The following MRM3 variants were observed in gnomAD, a reference collection of about 807,000 sequenced individuals.
The protein encoded by MRM3 is mitochondrial rRNA methyltransferase 3, also known as rRNA methyltransferase 3, mitochondrial.
In MRM3, 26 loss-of-function variants were observed where a neutral mutation model predicts 29.4. The ratio of observed to expected loss-of-function variants is 0.89; its 90% CI spans 0.65 to 1.23. MRM3 has a LOEUF of 1.23. MRM3 is among the 50% of genes most tolerant of loss of function. The pLI, the probability that MRM3 is intolerant of heterozygous loss-of-function variation, is 0.00. For synonymous variants in MRM3, 225 were observed against 219.0 expected (o/e 1.03, Z -0.24); for missense variants, 578 against 540.2 (o/e 1.07, Z -0.69).
chr17:790,998 C>T (rs1910792266), intron 3 of MRM3, among the ~76,000 whole-genome samples: 1 of 151,460 alleles, frequency 6.6e-6, no homozygotes, highest in Non-Finnish European at 1.5e-5. Context: ...CCTCCTGTGC[C>T]GCCACAGCGC....
At chr17:790,956 A>G (rs1349669660) in intron 3 of MRM3, among the ~76,000 whole-genome samples, 7 of 90,544 alleles carry the variant, frequency 7.7e-5, no homozygotes, top group African/African-American at 3.0e-4. Flanking sequence ...CAACTGTGCC[A>G]CCACACCCCC....
Position 791,984 on chromosome 17 carries a change from T to C in MRM3, c.1178T>C (p.Met393Thr), listed in dbSNP as rs1317481228. 1.4e-5 allele frequency: 22 copies of C among 1,613,804 alleles called. No homozygotes were observed. The highest frequency in any genetic ancestry group is 1.5e-5 in the Non-Finnish European group (18 of 1,180,028). Residue 393 changes from methionine to threonine, a missense_variant, in exon 4 of 4, where the codon ATG becomes ACG. Transcript: ENST00000304478. Reference sequence around the variant, plus strand: ...GGTGTGGACAGCCTCAACTCGGCCATGGCGGCAAGCATCCTGCTTTTCGAA... The same window carrying C: ...GGTGTGGACAGCCTCAACTCGGCCACGGCGGCAAGCATCCTGCTTTTCGAA... ...VPGVDSLNSA[M>T]AASILLFEGK...
Position 788,089 on chromosome 17 carries a change from A to G in MRM3, c.684A>G (p.Arg228=). 1 of 1,614,218 alleles carries G rather than the reference A, an allele frequency of 6.2e-7. No individual in the cohort carries two copies. ...CTGGGAACCTGGGGACAATTCTGAG[A>G]TCTGCAGCTGGGGCAGGCTGCAGCA... The part of the protein sequence containing the change: ...RDPGNLGTIL[R]SAAGAGCSKV... The change falls in exon 3 of 4, where the codon AGA becomes AGG. Residue 228 remains arginine, a synonymous_variant. Transcript: ENST00000304478.
Position 782,426 on chromosome 17 carries a change from G to A in MRM3, c.48G>A (p.Leu16=). The change falls in exon 1 of 4, where the codon CTG becomes CTA. Residue 16 remains leucine (L), a synonymous_variant. Transcript: ENST00000304478. ...CGAGGTTTGTCGTGCGACCGTTGCT[G>A]CAGGTGGTCCAGGCTTGGGACCTTG... ...RPARFVVRPL[L]QVVQAWDLDA... 6.2e-7 allele frequency: 1 copy of A among 1,614,012 alleles called. No individual in the cohort carries two copies. The highest frequency in any genetic ancestry group is 8.5e-7 in the Non-Finnish European group (1 of 1,180,000).
rs1171857850 is a variant in MRM3, at chr17:787,477, G to A, written c.560-488G>A. ...ACTCCAAAACAGAACAGTTGAGGGG[G>A]AGGAGAGTGGTACTGGTAGAATTTT... On this transcript the variant is annotated intron_variant, in intron 2 of 3. Transcript: ENST00000304478. The surrounding 1 kb of genome is among the most constrained non-coding windows in gnomAD (Gnocchi z 4.1). 6.6e-6 allele frequency among the ~76,000 whole-genome samples: 1 copy of A among 152,176 alleles called. No individual in the cohort carries two copies. The highest frequency in any genetic ancestry group is 1.5e-5 in the Non-Finnish European group (1 of 68,034).
chr17:784,842 T>A (rs1379194402), intron 2 of MRM3, among the ~76,000 whole-genome samples: 1 of 152,192 alleles, frequency 6.6e-6, no homozygotes, highest in Non-Finnish European at 1.5e-5. Flanking sequence ...TGAATGGCTT[T>A]TGGCCATCTG....
intron 3 of MRM3, 162 bp downstream of exon 3, chr17:788,294 G>A: frequency 1.5e-6 from 1 of 647,464 alleles, no homozygotes; most frequent in Non-Finnish European, 2.6e-6. Flanking sequence ...TGGGTGTGGT[G>A]GGGTGTGCCT....
chr17:788,045 T>A lies in MRM3; in HGVS notation c.640T>A (p.Cys214Ser). ...GCATTCACTGCCTTTATTATTGATTTGTGACAATCTCCGTGACCCTGGGAA... is the reference window on the plus strand; with the variant it reads ...GCATTCACTGCCTTTATTATTGATTAGTGACAATCTCCGTGACCCTGGGAA... The part of the protein sequence containing the change: ...LQHSLPLLLI[C>S]DNLRDPGNLG... Residue 214 changes from cysteine (C) to serine (S), a missense_variant, in exon 3 of 4, where the codon TGT becomes AGT. By Grantham distance (112) the Cys-to-Ser change is moderately radical. Transcript: ENST00000304478. 6.2e-7 allele frequency: 1 copy of A among 1,614,206 alleles called. No homozygotes were observed. The highest frequency in any genetic ancestry group is 8.5e-7 in the Non-Finnish European group (1 of 1,180,002).
Position 792,251 on chromosome 17 carries a change from C to T in MRM3, c.*182C>T, listed in dbSNP as rs778775962. 5.2e-6 allele frequency: 3 copies of T among 579,024 alleles called. No individual in the cohort carries two copies. Among genetic ancestry groups the T allele is most frequent in the Non-Finnish European group, 8.7e-6 (3 of 345,646 alleles). 35.9% of individuals were successfully genotyped at this position (579,024 alleles called of 1,614,324 possible). ...AAGAACAGGTCCGAATTCTTCCTGT[C>T]GCGTCACTGATTTTGAGGTTCTTTT... On this transcript the variant is annotated 3_prime_UTR_variant, in exon 4 of 4. Transcript: ENST00000304478.
In MRM3 at chr17:782,779, C is replaced by T. The variant is rs540734804; in HGVS notation, c.314+87C>T. 7 of 1,361,532 alleles carry T rather than the reference C, an allele frequency of 5.1e-6. No individual in the cohort carries two copies. In the East Asian group the frequency reaches 7.3e-5, roughly 14 times the overall value. 84.3% of individuals were successfully genotyped at this position (1,361,532 alleles called of 1,614,324 possible). ...TTAACCTCCTTCCGATGGAGGACTT[C>T]TTCCAGTACAGCCCGCTGGTTTTTG... On this transcript the variant is annotated intron_variant, in intron 1 of 3. Coordinates refer to ENST00000304478, the MANE Select transcript of MRM3 (RefSeq NM_018146.4).
In MRM3 at chr17:791,643, C is replaced by T. The variant is rs201069611; in HGVS notation, c.837C>T (p.Pro279=). 6 of 1,614,178 alleles carry T rather than the reference C, an allele frequency of 3.7e-6. No individual in the cohort carries two copies. The highest frequency in any genetic ancestry group is 1.3e-5 in the African/African-American group (1 of 75,044). The change falls in exon 4 of 4, where the codon CCC becomes CCT. Residue 279 remains proline, a synonymous_variant. Transcript: ENST00000304478. ...LEWETVPNYL[P]PDTRVYVADN... ...GGGAAACCGTGCCCAATTACCTGCC[C>T]CCTGACACTCGGGTCTATGTGGCTG...
rs1159037930 is a variant in MRM3, at chr17:788,264, C to CA, written c.727+140dup. 1.8e-4 allele frequency: 149 copies of CA among 821,870 alleles called. 1 individual carries two copies. Among genetic ancestry groups the CA allele is most frequent in the Non-Finnish European group, 2.2e-4 (117 of 533,126 alleles). The allele number at this position is 821,870 out of a possible 1,614,324, so 50.9% of individuals were successfully genotyped here. A position where few individuals can be genotyped will look rare whatever the true frequency, so the allele number is the denominator to read the frequency against. On this transcript the variant is annotated intron_variant, in intron 3 of 3. Coordinates refer to ENST00000304478, the MANE Select transcript of MRM3 (RefSeq NM_018146.4). ...GCAACATAGTGAGACCTCATCTCTACAAAAAAAACTACAATTAGCTGGGTG... is the reference window on the plus strand; with the variant it reads ...GCAACATAGTGAGACCTCATCTCTACAAAAAAAAACTACAATTAGCTGGGTG...
Position 791,920 on chromosome 17 carries a change from A to G in MRM3, c.1114A>G (p.Ser372Gly). 2.5e-6 allele frequency: 4 copies of G among 1,614,016 alleles called. No homozygotes were observed. The highest frequency in any genetic ancestry group is 3.4e-6 in the Non-Finnish European group (4 of 1,180,034). ...CCTGGAGTCCCTGCAGCTGGCCGAGAGCACTGGTGGCAAGAGGCTGCTGAT... is the reference window on the plus strand; with the variant it reads ...CCTGGAGTCCCTGCAGCTGGCCGAGGGCACTGGTGGCAAGAGGCTGCTGAT... ...VSLESLQLAE[S>G]TGGKRLLIPV... The change falls in exon 4 of 4, where the codon AGC (serine) becomes GGC (glycine). Residue 372 changes from serine to glycine, a missense_variant. Coordinates refer to ENST00000304478, the MANE Select transcript of MRM3 (RefSeq NM_018146.4).
Position 792,024 on chromosome 17 carries a change from G to C in MRM3, c.1218G>C (p.Leu406=). The C allele has an allele frequency of 5.6e-6, 9 of 1,612,990 alleles. No homozygotes were observed. Among genetic ancestry groups the C allele is most frequent in the Non-Finnish European group, 7.6e-6 (9 of 1,179,594 alleles). The change falls in exon 4 of 4, where the codon CTG becomes CTC. Residue 406 remains leucine (L), a synonymous_variant. Transcript: ENST00000304478. The stretch of plus-strand genomic sequence containing the variant: ...TGCTTTTCGAAGGGAAAAGACAGCT[G>C]CGGGGGAGGGCGGAGGACTTGAGCA... ...SILLFEGKRQ[L]RGRAEDLSRD... is the part of the protein sequence containing the mutation.
At chr17:786,214 C>A (rs1169736737) in intron 2 of MRM3, among the ~76,000 whole-genome samples, 4 of 152,242 alleles carry the variant, frequency 2.6e-5, no homozygotes, top group Non-Finnish European at 5.9e-5. Flanking sequence ...AATTCTCTTG[C>A]CTCAGCCTCC....
At chr17:785,762 C>T (rs1366693895) in intron 2 of MRM3, among the ~76,000 whole-genome samples, 2 of 152,080 alleles carry the variant, frequency 1.3e-5, no homozygotes, top group African/African-American at 4.8e-5. Context: ...ATTCTTTTTC[C>T]TAGGAATGTA....
In MRM3 at chr17:787,706, G is replaced by A. The variant is rs916086402; in HGVS notation, c.560-259G>A. Among the ~76,000 whole-genome samples the A allele has an allele frequency of 1.3e-5, 2 of 152,078 alleles. No individual in the cohort carries two copies. The highest frequency in any genetic ancestry group is 2.1e-4 in the South Asian group (1 of 4,824). On this transcript the variant is annotated intron_variant, in intron 2 of 3. Transcript: ENST00000304478. This position sits in a 1 kb window ranked among gnomAD's most constrained non-coding sequence, Gnocchi z 4.1. ...TGGGACTAGAGGCATGCGCCACCACGCCTGGCTAATCTTTGTGTTTTTAGT... is the reference window on the plus strand; with the variant it reads ...TGGGACTAGAGGCATGCGCCACCACACCTGGCTAATCTTTGTGTTTTTAGT...
Position 791,751 on chromosome 17 carries a change from G to T in MRM3, c.945G>T (p.Lys315Asn), listed in dbSNP as rs760747286. The T allele has an allele frequency of 9.0e-5, 146 of 1,614,088 alleles. No homozygotes were observed. Among genetic ancestry groups the T allele is most frequent in the Non-Finnish European group, 1.2e-4 (143 of 1,180,058 alleles). ...HGWVCDQRVM[K>N]FHKYEEEEDV... ...GGGTGTGTGATCAACGAGTGATGAA[G>T]TTTCACAAGTATGAGGAAGAGGAAG... The change falls in exon 4 of 4, where the codon AAG (lysine) becomes AAT (asparagine). Residue 315 changes from lysine (K) to asparagine (N), a missense_variant. By Grantham distance (94) the Lys-to-Asn change is moderately conservative. Transcript: ENST00000304478.
intron 3 of MRM3, among the ~76,000 whole-genome samples, chr17:790,685 A>G (rs55831824): frequency 8.9e-5 from 5 of 56,402 alleles, no homozygotes; most frequent in Non-Finnish European, 1.2e-4. Flanking sequence ...CTGATTGGCC[A>G]GCTCACCTCC....
Sources: allele counts gnomAD v4.1 joint callset (sites outside exome capture counted in the v4.1 genomes callset), GRCh38; gene constraint gnomAD v4.1.1; non-coding constraint Gnocchi (gnomAD v3.1); transcripts MANE v1.5; gene names NCBI Gene and HGNC (gene_info 2026-07-23, HGNC 2026-07-21).